The following MINDY4 variants were observed in gnomAD, a reference collection of about 807,000 sequenced individuals.
The protein encoded by MINDY4 is MINDY lysine 48 deubiquitinase 4, also known as probable ubiquitin carboxyl-terminal hydrolase MINDY-4.
Under a neutral mutation model 87.0 loss-of-function variants are expected in MINDY4, and 68 were observed. The ratio of observed to expected loss-of-function variants is 0.78; its 90% confidence interval spans 0.64 to 0.96. MINDY4 has a LOEUF of 0.96. Ranked by LOEUF, MINDY4 falls within the 40% of genes least tolerant of loss-of-function variation. The pLI is 0.00. For synonymous variants in MINDY4, 379 were observed against 363.2 expected (o/e 1.04, Z -0.50); for missense variants, 919 against 928.2 (o/e 0.99, Z 0.13).
intron 1 of MINDY4, among the ~76,000 whole-genome samples, chr7:30,776,172 A>G (rs541455397): frequency 1.3e-5 from 2 of 152,318 alleles, no homozygotes; most frequent in East Asian, 1.9e-4. Context: ...TGATCTTTCA[A>G]AAATATGTCA....
At chr7:30,887,530 C>T (rs896270972) in intron 17 of MINDY4, among the ~76,000 whole-genome samples, 18 of 152,226 alleles carry the variant, frequency 1.2e-4, no homozygotes, top group African/African-American at 3.6e-4. Context: ...TGGGCCAGGG[C>T]TCAGGAGCAG....
At chr7:30,812,569 G>T (rs566502573) in intron 5 of MINDY4, among the ~76,000 whole-genome samples, 1 of 152,282 alleles carries the variant, frequency 6.6e-6, no homozygotes, top group African/African-American at 2.4e-5. Flanking sequence ...AAAACCCAAG[G>T]CTAGCCCAAA....
chr7:30,820,058 C>T (rs958224959), intron 5 of MINDY4, among the ~76,000 whole-genome samples: 19 of 150,762 alleles, frequency 1.3e-4, no homozygotes, highest in Non-Finnish European at 2.4e-4. Flanking sequence ...CCCGCCACTA[C>T]GCCCGGCTAA....
At chr7:30,832,897 C>T (rs1171589437) in intron 6 of MINDY4, among the ~76,000 whole-genome samples, 5 of 152,170 alleles carry the variant, frequency 3.3e-5, no homozygotes, top group Admixed American at 6.5e-5. Context: ...ACCCCTTATA[C>T]TCTTATTACC....
chr7:30,774,699 A>G (rs1786755500), intron 1 of MINDY4, among the ~76,000 whole-genome samples: 1 of 151,724 alleles, frequency 6.6e-6, no homozygotes, highest in African/African-American at 2.4e-5. Flanking sequence ...TATGTTTGTC[A>G]CAGTTGATTG....
chr7:30,890,494 A>AT (rs1384749460), intron 17 of MINDY4, among the ~76,000 whole-genome samples: 1 of 152,182 alleles, frequency 6.6e-6, no homozygotes, highest in African/African-American at 2.4e-5. Context: ...TGCCATTAAG[A>AT]TTTTTTTCTC....
At chr7:30,870,616 CAAGT>C (rs1790072899) in intron 13 of MINDY4, among the ~76,000 whole-genome samples, 2 of 152,326 alleles carry the variant, frequency 1.3e-5, no homozygotes, top group Non-Finnish European at 2.9e-5. Context: ...AAACCACAAG[CAAGT>C]GTTTTCCCCA....
At chr7:30,782,269 T>C in intron 3 of MINDY4, 57 bp downstream of exon 3, 2 of 1,336,714 alleles carry the variant, frequency 1.5e-6, no homozygotes, top group South Asian at 2.6e-5. Flanking sequence ...AACAAATTAC[T>C]ATGTACTTCA....
chr7:30,795,228 G>T (rs1787452066), intron 5 of MINDY4, among the ~76,000 whole-genome samples: 1 of 152,202 alleles, frequency 6.6e-6, no homozygotes, highest in African/African-American at 2.4e-5. Flanking sequence ...ACCATGCTGG[G>T]CATCTAGCAA....
chr7:30,832,947 A>G (rs1049257130), intron 6 of MINDY4, among the ~76,000 whole-genome samples: 1 of 151,974 alleles, frequency 6.6e-6, no homozygotes, highest in Non-Finnish European at 1.5e-5. Flanking sequence ...TGCTTAATCT[A>G]TATCTTTTTC....
intron 5 of MINDY4, among the ~76,000 whole-genome samples, chr7:30,806,429 T>C (rs1787806572): frequency 6.6e-6 from 1 of 152,244 alleles, no homozygotes; most frequent in African/African-American, 2.4e-5. Context: ...AATGGTTATT[T>C]TAATAAATAT....
chr7:30,830,029 C>T (rs527634638), intron 6 of MINDY4, among the ~76,000 whole-genome samples: 4 of 151,122 alleles, frequency 2.6e-5, no homozygotes, highest in South Asian at 4.2e-4. Context: ...AACCCAGTCA[C>T]GGAGAGAGTT....
At position 30,845,665 on chromosome 7, in the gene MINDY4, C is replaced by T. The variant is rs568669339; in HGVS notation, c.1446-4789C>T. On this transcript the variant is annotated intron_variant, in intron 9 of 17. Transcript: ENST00000265299. ...GCCCCTGCACTTTCCTGCCTGTGTGCGGGGTCTGCCTTGGCCCTGGAGGCC... is the reference window on the plus strand; with the variant it reads ...GCCCCTGCACTTTCCTGCCTGTGTGTGGGGTCTGCCTTGGCCCTGGAGGCC... 8.1e-4 allele frequency among the ~76,000 whole-genome samples: 124 copies of T among 152,270 alleles called. 2 individuals carry two copies. Among genetic ancestry groups the T allele is most frequent in the Middle Eastern group, 3.4e-3 (1 of 292 alleles).
chr7:30,824,569 CCT>C (rs1225747441), intron 5 of MINDY4, among the ~76,000 whole-genome samples: 1 of 151,988 alleles, frequency 6.6e-6, no homozygotes, highest in Non-Finnish European at 1.5e-5. Flanking sequence ...ATAAGCATCT[CCT>C]CTTCTCAGTT....
At chr7:30,883,017 T>G (rs375802699) in intron 17 of MINDY4, 24 bp downstream of exon 17, 37 of 1,611,064 alleles carry the variant, frequency 2.3e-5, no homozygotes, top group Non-Finnish European at 3.0e-5. Flanking sequence ...CTCTCTGGCT[T>G]TGAGCCTCAC....
intron 13 of MINDY4, among the ~76,000 whole-genome samples, chr7:30,869,454 T>C (rs1790037349): frequency 6.6e-6 from 1 of 152,174 alleles, no homozygotes; most frequent in Non-Finnish European, 1.5e-5. Context: ...GCTGCCATAA[T>C]GACAGACATT....
At chr7:30,879,136 C>T (rs1435112547) in intron 15 of MINDY4, among the ~76,000 whole-genome samples, 8 of 152,172 alleles carry the variant, frequency 5.3e-5, no homozygotes, top group Non-Finnish European at 8.8e-5. Context: ...TGTGTTGAAA[C>T]GCTGACCCCC....
In MINDY4 at chr7:30,785,803, C is replaced by T; in HGVS notation, c.474C>T (p.Pro158=). Residue 158 remains proline (P), a synonymous_variant, in exon 4 of 18, where the codon CCC becomes CCT. Transcript: ENST00000265299. ...VLGNFVSSKR[P]PHKSKPMQTV... is the part of the protein sequence containing the mutation. The stretch of plus-strand genomic sequence containing the variant: ...GTAATTTTGTATCATCTAAAAGGCC[C>T]CCGCACAAAAGTAAGCCCATGCAGA... 2 of 1,614,122 alleles carry T rather than the reference C, an allele frequency of 1.2e-6. No individual in the cohort carries two copies. The highest frequency in any genetic ancestry group is 1.7e-6 in the Non-Finnish European group (2 of 1,180,022).
chr7:30,784,321 T>C (rs957530636), intron 3 of MINDY4, among the ~76,000 whole-genome samples: 2 of 152,258 alleles, frequency 1.3e-5, no homozygotes, highest in Non-Finnish European at 2.9e-5. Context: ...CTTCTGCATC[T>C]GTGAGTCCTG....
Sources: allele counts gnomAD v4.1 joint callset (sites outside exome capture counted in the v4.1 genomes callset), GRCh38; gene constraint gnomAD v4.1.1; transcripts MANE v1.5; gene names NCBI Gene and HGNC (gene_info 2026-07-23, HGNC 2026-07-21).